The following LDLRAD3 variants were observed in gnomAD, a reference collection of about 807,000 sequenced individuals.
The protein encoded by LDLRAD3 is low density lipoprotein receptor class A domain containing 3, also known as low-density lipoprotein receptor class A domain-containing protein 3.
A neutral mutation model predicts 29.4 loss-of-function variants in LDLRAD3; 20 were observed. That is an observed-to-expected ratio of 0.68 (90% CI 0.48 to 0.99). LDLRAD3 has a LOEUF of 0.99. Among genes scored for constraint, LDLRAD3 ranks in the 50% least tolerant of loss-of-function variants. The pLI, the probability that LDLRAD3 is intolerant of heterozygous loss-of-function variation, is 0.00. For synonymous variants in LDLRAD3, 157 were observed against 192.7 expected (o/e 0.81, Z 1.53); for missense variants, 420 against 454.3 (o/e 0.92, Z 0.69).
At chr11:36,049,758 A>G (rs1037458167) in intron 2 of LDLRAD3, among the ~76,000 whole-genome samples, 1 of 152,178 alleles carries the variant, frequency 6.6e-6, no homozygotes, top group Non-Finnish European at 1.5e-5. Flanking sequence ...GTTAATTTCA[A>G]ATTAAAATAC....
At chr11:36,162,313 C>T (rs977617289) in intron 4 of LDLRAD3, among the ~76,000 whole-genome samples, 2 of 152,192 alleles carry the variant, frequency 1.3e-5, no homozygotes, top group Admixed American at 6.5e-5. Context: ...CAGGATTCCT[C>T]ATCAAGGGAG....
intron 4 of LDLRAD3, among the ~76,000 whole-genome samples, chr11:36,216,899 A>G (rs185128646): frequency 1.3e-5 from 2 of 152,336 alleles, no homozygotes; most frequent in Admixed American, 6.5e-5. Flanking sequence ...GATGTTCAGG[A>G]TAAATGGGAC....
At chr11:36,206,831 A>G (rs1182488183) in intron 4 of LDLRAD3, among the ~76,000 whole-genome samples, 1 of 151,192 alleles carries the variant, frequency 6.6e-6, no homozygotes, top group African/African-American at 2.4e-5. Context: ...GGTTCAAGCA[A>G]TTCTCCTGCC....
intron 4 of LDLRAD3, among the ~76,000 whole-genome samples, chr11:36,104,896 G>A (rs1480385315): frequency 6.6e-6 from 1 of 152,156 alleles, no homozygotes; most frequent in Non-Finnish European, 1.5e-5. Context: ...TGGCCTGTGA[G>A]TTTATGGGGG....
At chr11:36,060,377 T>G (rs1237442630) in intron 2 of LDLRAD3, among the ~76,000 whole-genome samples, 1 of 149,732 alleles carries the variant, frequency 6.7e-6, no homozygotes, top group Admixed American at 6.8e-5. Flanking sequence ...AAAAAAAAGT[T>G]ATATAACTCA....
In LDLRAD3 at chr11:36,005,426, C is replaced by T. The variant is rs548024749; in HGVS notation, c.47-30677C>T. 1.4e-4 allele frequency among the ~76,000 whole-genome samples: 21 copies of T among 152,358 alleles called. No homozygotes were observed. In the East Asian group the frequency reaches 3.1e-3, roughly 22 times the overall value. On this transcript the variant is annotated intron_variant, in intron 1 of 5. Coordinates refer to ENST00000315571, the MANE Select transcript of LDLRAD3 (RefSeq NM_174902.4). ...GCATAGCAAGAGTGACCTTTACTCC[C>T]GTTCCCGATAAGTTCCTCATCTCCA...
intron 4 of LDLRAD3, among the ~76,000 whole-genome samples, chr11:36,144,189 C>T (rs1443690069): frequency 6.6e-6 from 1 of 151,992 alleles, no homozygotes; most frequent in Non-Finnish European, 1.5e-5. Context: ...CCTCGGCCTC[C>T]CGAGGTGCCG....
chr11:36,104,645 C>T (rs1343510216), intron 4 of LDLRAD3, among the ~76,000 whole-genome samples: 2 of 152,176 alleles, frequency 1.3e-5, no homozygotes, highest in Non-Finnish European at 2.9e-5. Flanking sequence ...TTTTCCTGTA[C>T]AGTTCTCACA....
intron 1 of LDLRAD3, chr11:35,968,611 T>A (rs1361765629): frequency 5.6e-6 from 1 of 180,152 alleles, no homozygotes; most frequent in African/African-American, 2.4e-5. Flanking sequence ...CCTCCCTGCT[T>A]CCCTGTGCTT....
Position 35,944,242 on chromosome 11 carries a change from G to A in LDLRAD3, c.46+98G>A. ...CGATCGCGTCCTCTCCCGGGCGCGG[G>A]CCGCTCTCCGGGCGTGGGTGAGCGC... On this transcript the variant is annotated intron_variant, in intron 1 of 5. Transcript: ENST00000315571. The surrounding 1 kb of genome is among the most constrained non-coding windows in gnomAD (Gnocchi z 4.9). The A allele has an allele frequency of 1.3e-6, 1 of 743,300 alleles. No homozygotes were observed. The highest frequency in any genetic ancestry group is 1.6e-6 in the Non-Finnish European group (1 of 607,864). The allele number at this position is 743,300 out of a possible 1,614,324, so 46.0% of individuals were successfully genotyped here. A position where few individuals can be genotyped will look rare whatever the true frequency, so the allele number is the denominator to read the frequency against.
intron 4 of LDLRAD3, chr11:36,196,242 A>G (rs1389023043): frequency 6.6e-6 from 1 of 152,006 alleles, no homozygotes; most frequent in Admixed American, 6.6e-5. Flanking sequence ...TTACTCTAAG[A>G]CACAAGGGAG....
At chr11:36,224,462 C>T (rs1257521139) in intron 4 of LDLRAD3, among the ~76,000 whole-genome samples, 1 of 152,206 alleles carries the variant, frequency 6.6e-6, no homozygotes, top group Non-Finnish European at 1.5e-5. Flanking sequence ...CTCCACCCAG[C>T]TTCTAATTGT....
chr11:36,014,705 A>G (rs754897756), intron 1 of LDLRAD3, among the ~76,000 whole-genome samples: 11 of 152,206 alleles, frequency 7.2e-5, no homozygotes, highest in Admixed American at 2.0e-4. Context: ...ACGGCAGAAA[A>G]GAGGAAGAAA....
At chr11:36,146,011 GA>G (rs59776162) in intron 4 of LDLRAD3, among the ~76,000 whole-genome samples, 5 of 145,162 alleles carry the variant, frequency 3.4e-5, no homozygotes, top group Admixed American at 6.8e-5. Flanking sequence ...ATAAAAAAAA[GA>G]AAAAAAAAAG....
chr11:35,961,871 A>G (rs263080), intron 1 of LDLRAD3, among the ~76,000 whole-genome samples: 2,452 of 152,292 alleles, frequency 0.016, 62 homozygotes, highest in African/African-American at 0.056. Flanking sequence ...CATTCCCTCA[A>G]GCATTTATCC....
At chr11:35,958,820 A>G (rs12278669) in intron 1 of LDLRAD3, among the ~76,000 whole-genome samples, 5,415 of 152,216 alleles carry the variant, frequency 0.036, 259 homozygotes, top group African/African-American at 0.1. Context: ...AGGGGGTGGA[A>G]AAAAGACTGA....
intron 1 of LDLRAD3, among the ~76,000 whole-genome samples, chr11:35,990,191 T>TCC (rs1186023451): frequency 6.6e-6 from 1 of 152,158 alleles, no homozygotes; most frequent in African/African-American, 2.4e-5. Flanking sequence ...TAATGTTAGT[T>TCC]CCCTAAGGCT....
intron 4 of LDLRAD3, chr11:36,196,600 T>G (rs966349707): frequency 1.3e-5 from 2 of 152,268 alleles, no homozygotes; most frequent in Non-Finnish European, 2.9e-5. Context: ...CCTGGAATGA[T>G]GCCAGCATGT....
At chr11:36,065,152 T>C (rs4756267) in intron 2 of LDLRAD3, among the ~76,000 whole-genome samples, 152,332 of 152,340 alleles carry the variant, frequency 1, 76,162 homozygotes, top group Middle Eastern at 1. Context: ...GACTATTTCT[T>C]CCTTTAATTC....
Sources: allele counts gnomAD v4.1 joint callset (sites outside exome capture counted in the v4.1 genomes callset), GRCh38; gene constraint gnomAD v4.1.1; non-coding constraint Gnocchi (gnomAD v3.1); transcripts MANE v1.5; gene names NCBI Gene and HGNC (gene_info 2026-07-23, HGNC 2026-07-21).